Variants in C8B observed in about 807,000 individuals in gnomAD.
C8B encodes complement C8 beta chain.
Under a neutral mutation model 64.6 loss-of-function variants are expected in C8B, and 67 were observed. The ratio of observed to expected loss-of-function variants is 1.04; its 90% CI spans 0.85 to 1.27. The LOEUF (loss-of-function observed/expected upper bound fraction) is 1.27. Ranked by LOEUF, C8B falls within the 50% of genes most tolerant of loss-of-function variation. The pLI is 0.00. For missense variants in C8B, 790 were observed against 725.2 expected (o/e 1.09, Z -1.03); for synonymous variants, 284 against 257.7 (o/e 1.10, Z -0.98).
At chr1:56,950,990 G>T (rs1645012848) in intron 5 of C8B, among the ~76,000 whole-genome samples, 1 of 152,286 alleles carries the variant, frequency 6.6e-6, no homozygotes, top group East Asian at 1.9e-4. Context: ...AGTGTGTTTG[G>T]CGCTAAGCCA....
At chr1:56,930,207 A>T (rs1339001731) in intron 11 of C8B, among the ~76,000 whole-genome samples, 2 of 152,198 alleles carry the variant, frequency 1.3e-5, no homozygotes, top group African/African-American at 4.8e-5. Flanking sequence ...GAGCTGTGTT[A>T]TCTACTGTGA....
chr1:56,955,443 C>T (rs1645088953), intron 3 of C8B, among the ~76,000 whole-genome samples: 1 of 152,184 alleles, frequency 6.6e-6, no homozygotes, highest in African/African-American at 2.4e-5. Context: ...ATCCCTTTTG[C>T]TTCCTTTAAA....
At chr1:56,941,522 A>ATAGG (rs1353396740) in intron 8 of C8B, among the ~76,000 whole-genome samples, 1 of 130,260 alleles carries the variant, frequency 7.7e-6, no homozygotes, top group Non-Finnish European at 1.6e-5. Flanking sequence ...AGATAGATAG[A>ATAGG]TAGATAGATA....
intron 6 of C8B, among the ~76,000 whole-genome samples, chr1:56,947,889 C>T (rs1644965218): frequency 6.6e-6 from 1 of 152,092 alleles, no homozygotes; most frequent in Non-Finnish European, 1.5e-5. Flanking sequence ...CGAGATCATG[C>T]CACTGCACTC....
At chr1:56,956,387 T>C in intron 3 of C8B, among the ~76,000 whole-genome samples, 1 of 152,196 alleles carries the variant, frequency 6.6e-6, no homozygotes, top group East Asian at 1.9e-4. Context: ...TGACTTCTGC[T>C]AGTCACAAAG....
intron 9 of C8B, among the ~76,000 whole-genome samples, chr1:56,938,759 A>G (rs1002912169): frequency 1.3e-5 from 2 of 152,218 alleles, no homozygotes; most frequent in Admixed American, 6.5e-5. Flanking sequence ...AAACTATTGC[A>G]TCTAGAAATT....
chr1:56,956,408 G>T (rs1052351229), intron 3 of C8B, among the ~76,000 whole-genome samples: 2 of 152,120 alleles, frequency 1.3e-5, no homozygotes, highest in East Asian at 1.9e-4. Context: ...TCAAAATAAG[G>T]CCTGACCCAA....
At chr1:56,954,295 G>A (rs901206167) in intron 4 of C8B, among the ~76,000 whole-genome samples, 1 of 152,110 alleles carries the variant, frequency 6.6e-6, no homozygotes, top group Non-Finnish European at 1.5e-5. Flanking sequence ...GGGCAGACCT[G>A]GATAAAACCT....
At chr1:56,933,032 A>C (rs1644724820) in intron 10 of C8B, among the ~76,000 whole-genome samples, 1 of 152,202 alleles carries the variant, frequency 6.6e-6, no homozygotes, top group African/African-American at 2.4e-5. Context: ...TGTATTAGTC[A>C]GGACATGCAC....
At chr1:56,951,064 T>C (rs1481226182) in intron 5 of C8B, among the ~76,000 whole-genome samples, 1 of 152,178 alleles carries the variant, frequency 6.6e-6, no homozygotes, top group Non-Finnish European at 1.5e-5. Flanking sequence ...AAGGAGGAGC[T>C]AGCCTTCAAA....
At chr1:56,958,822 C>G (rs914709916) in intron 2 of C8B, among the ~76,000 whole-genome samples, 2 of 152,170 alleles carry the variant, frequency 1.3e-5, no homozygotes, top group African/African-American at 4.8e-5. Flanking sequence ...TGGCTCTCTC[C>G]ATTGATCCAA....
chr1:56,940,046 C>T (rs180794076), intron 9 of C8B, among the ~76,000 whole-genome samples: 4 of 151,784 alleles, frequency 2.6e-5, no homozygotes, highest in South Asian at 2.1e-4. Flanking sequence ...CTTACTGTTC[C>T]TCGTAGACTG....
chr1:56,941,593 A>G (rs1570381876), intron 8 of C8B, among the ~76,000 whole-genome samples: 1 of 152,282 alleles, frequency 6.6e-6, no homozygotes, highest in Non-Finnish European at 1.5e-5. Context: ...GGATAGATAG[A>G]GAGAGAGATA....
chr1:56,937,964 T>C (rs937478888), intron 9 of C8B, among the ~76,000 whole-genome samples: 3 of 152,226 alleles, frequency 2.0e-5, no homozygotes, highest in Non-Finnish European at 4.4e-5. Flanking sequence ...GTTTGACTTT[T>C]ATTCCTGTAG....
intron 2 of C8B, among the ~76,000 whole-genome samples, chr1:56,958,477 G>A (rs1251701621): frequency 1.3e-5 from 2 of 152,040 alleles, no homozygotes; most frequent in East Asian, 3.9e-4. Context: ...CAGGGACAAG[G>A]CTTGCAGAGA....
intron 9 of C8B, among the ~76,000 whole-genome samples, chr1:56,936,893 G>T (rs1644783897): frequency 6.6e-6 from 1 of 152,042 alleles, no homozygotes; most frequent in South Asian, 2.1e-4. Flanking sequence ...ACACCTGCTG[G>T]GTTTTCCTTT....
intron 11 of C8B, among the ~76,000 whole-genome samples, chr1:56,930,077 G>C (rs641714): frequency 0.32 from 48,434 of 152,066 alleles, 8,252 homozygotes; most frequent in East Asian, 0.52. Context: ...GGAGGCCCTT[G>C]CTAAACATGT....
At chr1:56,946,999 A>G (rs1323956857) in intron 6 of C8B, among the ~76,000 whole-genome samples, 1 of 151,818 alleles carries the variant, frequency 6.6e-6, no homozygotes, top group African/African-American at 2.4e-5. Context: ...CTTCTCCCTT[A>G]CCCTTCCTAA....
intron 2 of C8B, among the ~76,000 whole-genome samples, chr1:56,959,054 A>G (rs1259400949): frequency 6.6e-6 from 1 of 152,194 alleles, no homozygotes; most frequent in African/African-American, 2.4e-5. Flanking sequence ...AGAACCCTAT[A>G]CAAGGAATAC....
Sources: gnomAD v4.1 joint callset for allele counts (sites outside exome capture counted in the v4.1 genomes callset) on GRCh38, gnomAD v4.1.1 for gene constraint, MANE v1.5 for transcripts, NCBI Gene and HGNC (gene_info 2026-07-23, HGNC 2026-07-21) for gene names.